ANKRD44: variants seen among roughly 807,000 people sequenced by gnomAD.
ANKRD44 encodes ankyrin repeat domain 44.
Under a neutral mutation model 116.0 loss-of-function variants are expected in ANKRD44, and 35 were observed. The ratio of observed to expected loss-of-function variants is 0.30; its 90% CI spans 0.23 to 0.40. The LOEUF (loss-of-function observed/expected upper bound fraction) is 0.40, where lower values mean the gene tolerates loss of function less well. ANKRD44 is among the 10% of genes least tolerant of loss of function. The pLI, the probability that ANKRD44 is intolerant of heterozygous loss-of-function variation, is 1.00. For synonymous variants in ANKRD44, 435 were observed against 461.8 expected (o/e 0.94, Z 0.74); for missense variants, 1,014 against 1,242.6 (o/e 0.82, Z 2.77).
Position 197,088,746 on chromosome 2 carries a change from A to C in ANKRD44, c.1212T>G (p.Phe404Leu). 1 of 1,612,752 alleles carries C rather than the reference A, an allele frequency of 6.2e-7. No homozygotes were observed. The highest frequency in any genetic ancestry group is 2.2e-5 in the East Asian group (1 of 44,836). ...CAGCAGCATGAAGGCACGTTCTTCCAAATTTATCTGGGGTGTCTATTTCAA... is the reference window on the plus strand; with the variant it reads ...CAGCAGCATGAAGGCACGTTCTTCCCAATTTATCTGGGGTGTCTATTTCAA... ...SGFEIDTPDKFGRTCLHAAAA... is the reference protein window; with the variant it reads ...SGFEIDTPDKLGRTCLHAAAA... Residue 404 changes from phenylalanine to leucine, a missense_variant, in exon 12 of 28, where the codon TTT becomes TTG. Phe to Leu is a conservative substitution (Grantham distance 22). Transcript: ENST00000282272.
intron 2 of ANKRD44, among the ~76,000 whole-genome samples, chr2:197,164,246 C>T (rs1254460839): frequency 6.6e-6 from 1 of 152,192 alleles, no homozygotes; most frequent in Non-Finnish European, 1.5e-5. Context: ...GGAGGCCTGG[C>T]CTCTGACACC....
chr2:197,102,061 AAAAAAC>A (rs923802630), intron 9 of ANKRD44, among the ~76,000 whole-genome samples: 20 of 152,026 alleles, frequency 1.3e-4, no homozygotes, highest in African/African-American at 4.3e-4. Context: ...AAAAAAAAAC[AAAAAAC>A]AAAAACAAAA....
At chr2:197,110,995 G>A in intron 8 of ANKRD44, 151 bp from the exon 9 acceptor site, 1 of 604,172 alleles carries the variant, frequency 1.7e-6, no homozygotes, top group South Asian at 2.1e-5. Context: ...AGGCTGCAGT[G>A]AGCTAGGATT....
At chr2:197,295,128 T>G (rs1297387036) in intron 1 of ANKRD44, among the ~76,000 whole-genome samples, 3 of 152,210 alleles carry the variant, frequency 2.0e-5, no homozygotes, top group African/African-American at 7.2e-5. Flanking sequence ...GCTTCTACTT[T>G]CTCCTGGAGA....
chr2:197,288,019 C>CAAAAAAAAAAAA (rs10666895), intron 1 of ANKRD44, among the ~76,000 whole-genome samples: 1 of 81,744 alleles, frequency 1.2e-5, no homozygotes, highest in Non-Finnish European at 2.3e-5. Context: ...GACTCAGTCT[C>CAAAAAAAAAAAA]AAAAAAAAAA....
At chr2:196,973,184 C>T (rs1240157484) in intron 21 of ANKRD44, among the ~76,000 whole-genome samples, 1 of 151,842 alleles carries the variant, frequency 6.6e-6, no homozygotes, top group African/African-American at 2.4e-5. Context: ...ATTTCCCTGA[C>T]TATCATTGAT....
intron 9 of ANKRD44, among the ~76,000 whole-genome samples, chr2:197,101,903 A>G (rs937545676): frequency 6.6e-6 from 1 of 152,124 alleles, no homozygotes; most frequent in Non-Finnish European, 1.5e-5. Context: ...ATTTTATTTT[A>G]ATAATATGTA....
intron 1 of ANKRD44, among the ~76,000 whole-genome samples, chr2:197,237,887 G>T (rs561080063): frequency 1.3e-5 from 2 of 152,172 alleles, no homozygotes; most frequent in Non-Finnish European, 2.9e-5. Flanking sequence ...ACTTCCGGAT[G>T]CCCTTCCACT....
chr2:197,097,494 G>A (rs917894644), intron 10 of ANKRD44, among the ~76,000 whole-genome samples: 1 of 146,310 alleles, frequency 6.8e-6, no homozygotes, highest in Non-Finnish European at 1.5e-5. Flanking sequence ...AAAACTGAGA[G>A]GCTTATTTTA....
At chr2:197,008,067 G>A (rs1574263653) in intron 19 of ANKRD44, 144 bp from the exon 20 acceptor site, 1 of 627,760 alleles carries the variant, frequency 1.6e-6, no homozygotes, top group East Asian at 2.8e-5. Context: ...TCCCCAGTTT[G>A]CTATACAATA....
intron 1 of ANKRD44, among the ~76,000 whole-genome samples, chr2:197,299,723 G>A (rs960979832): frequency 1.3e-5 from 2 of 152,164 alleles, no homozygotes; most frequent in Non-Finnish European, 2.9e-5. Flanking sequence ...TACACATTGG[G>A]TACAGTTCTT....
chr2:197,305,967 T>TTA (rs374313668), intron 1 of ANKRD44, among the ~76,000 whole-genome samples: 36,671 of 124,514 alleles, frequency 0.29, 6,333 homozygotes, highest in East Asian at 0.41. Flanking sequence ...GCAGTTCGTT[T>TTA]TATATATATA....
chr2:196,998,535 T>G, intron 24 of ANKRD44, 116 bp from the exon 25 acceptor site: 1 of 760,978 alleles, frequency 1.3e-6, no homozygotes. Flanking sequence ...CATAATCATA[T>G]TTAATGTATT....
chr2:197,092,013 C>T lies in ANKRD44; in HGVS notation c.1101-1981G>A, dbSNP rs952720150. On this transcript the variant is annotated intron_variant, in intron 10 of 27. Coordinates refer to ENST00000282272, the MANE Select transcript of ANKRD44 (RefSeq NM_001195144.2). The stretch of plus-strand genomic sequence containing the variant: ...CCCTTAAGGGACAGACGTCTTCTGT[C>T]GGCAGCACTTTTTGCCTTCGGGATT... Among the ~76,000 whole-genome samples the T allele has an allele frequency of 3.9e-5, 6 of 152,170 alleles. No individual in the cohort carries two copies. In the East Asian group the frequency reaches 9.6e-4, roughly 24 times the overall value.
intron 1 of ANKRD44, among the ~76,000 whole-genome samples, chr2:197,213,152 C>A (rs559329899): frequency 6.6e-6 from 1 of 152,186 alleles, no homozygotes; most frequent in Admixed American, 6.5e-5. Flanking sequence ...CTACCTCACA[C>A]ATATAGGGGC....
At chr2:197,078,581 A>G (rs763696589) in intron 16 of ANKRD44, 122 bp downstream of exon 16, 5 of 1,528,444 alleles carry the variant, frequency 3.3e-6, no homozygotes, top group Non-Finnish European at 4.4e-6. Context: ...TGAAATCCTG[A>G]TTCATGGACC....
chr2:197,279,878 C>T (rs1186275398), intron 1 of ANKRD44, among the ~76,000 whole-genome samples: 1 of 152,176 alleles, frequency 6.6e-6, no homozygotes, highest in Non-Finnish European at 1.5e-5. Context: ...CCATAAAGTT[C>T]CTGGGTACAG....
At chr2:197,193,954 G>T (rs1389493000) in intron 1 of ANKRD44, among the ~76,000 whole-genome samples, 2 of 152,152 alleles carry the variant, frequency 1.3e-5, no homozygotes, top group Non-Finnish European at 2.9e-5. Context: ...CACGGGGCCA[G>T]ATGCCTGGTG....
At chr2:197,063,670 A>T (rs1321580863) in intron 16 of ANKRD44, among the ~76,000 whole-genome samples, 2 of 152,278 alleles carry the variant, frequency 1.3e-5, no homozygotes, top group Non-Finnish European at 2.9e-5. Flanking sequence ...AAGCTTCAGT[A>T]GCCGATTCGA....
Sources: allele counts gnomAD v4.1 joint callset (sites outside exome capture counted in the v4.1 genomes callset), GRCh38; gene constraint gnomAD v4.1.1; transcripts MANE v1.5; gene names NCBI Gene and HGNC (gene_info 2026-07-23, HGNC 2026-07-21).